Variants in KLHL8 observed in about 807,000 individuals in gnomAD.
The protein encoded by KLHL8 is kelch-like protein 8.
In KLHL8, 38 loss-of-function variants were observed where a neutral mutation model predicts 63.5. That is an observed-to-expected ratio of 0.60 (90% CI 0.46 to 0.78). The LOEUF is 0.78. Ranked by LOEUF, KLHL8 falls within the 30% of genes least tolerant of loss-of-function variation. The probability of loss-of-function intolerance (pLI) is 0.00; values close to 1 mark genes in which losing one functional copy is unlikely to be tolerated. For synonymous variants in KLHL8, 224 were observed against 254.3 expected, an observed-to-expected ratio of 0.88 and a Z score of 1.13; for missense variants, 566 against 752.4, an observed-to-expected ratio of 0.75 and a Z score of 2.90.
chr4:87,211,654 T>C (rs567534019), intron 1 of KLHL8, among the ~76,000 whole-genome samples: 11 of 152,120 alleles, frequency 7.2e-5, no homozygotes, highest in Admixed American at 1.3e-4. Context: ...TAGCCAGGCA[T>C]AGTGGCACAT....
chr4:87,164,907 G>A (rs1472574689), intron 8 of KLHL8, among the ~76,000 whole-genome samples: 2 of 152,000 alleles, frequency 1.3e-5, no homozygotes, highest in Admixed American at 6.5e-5. Flanking sequence ...CCAGCACTTT[G>A]GGAGGCCAAG....
At chr4:87,185,943 T>C in intron 2 of KLHL8, 144 bp from the exon 3 acceptor site, 1 of 670,360 alleles carries the variant, frequency 1.5e-6, no homozygotes, top group South Asian at 2.1e-5. Flanking sequence ...TCACTTACTT[T>C]CAAGTAGGCC....
At position 87,163,420 on chromosome 4, in the gene KLHL8, T is replaced by C. The variant is rs906467599; in HGVS notation, c.*99A>G. 5.9e-6 allele frequency: 7 copies of C among 1,183,612 alleles called. No homozygotes were observed. The highest frequency in any genetic ancestry group is 1.5e-5 in the South Asian group (1 of 67,794). The allele number at this position is 1,183,612 out of a possible 1,614,324, so 73.3% of individuals were successfully genotyped here. A position where few individuals can be genotyped will look rare whatever the true frequency, so the allele number is the denominator to read the frequency against. ...AACAGTTAACATTTAAATAAGACTC[T>C]AGTTGCAGTAAAAAGTGTTGAAAGG... On this transcript the variant is annotated 3_prime_UTR_variant, in exon 10 of 10. Transcript: ENST00000273963.
chr4:87,165,803 T>C (rs1730375103), intron 8 of KLHL8, among the ~76,000 whole-genome samples: 1 of 152,180 alleles, frequency 6.6e-6, no homozygotes. Flanking sequence ...AAACCAGGGA[T>C]AGAAAAAGCA....
At chr4:87,207,664 A>C (rs1232540985) in intron 1 of KLHL8, 2 of 1,157,916 alleles carry the variant, frequency 1.7e-6, no homozygotes, top group East Asian at 2.4e-5. Context: ...CCCCTCTGGG[A>C]AACTGTGGCG....
At chr4:87,177,072 T>G (rs1730849267) in intron 5 of KLHL8, among the ~76,000 whole-genome samples, 2 of 152,206 alleles carry the variant, frequency 1.3e-5, no homozygotes, top group African/African-American at 4.8e-5. Flanking sequence ...CTGTTCTACA[T>G]GAAGTTATTT....
rs148513964 is a variant in KLHL8, at chr4:87,189,049, C to A, written c.217-3250G>T. 4.1e-3 allele frequency among the ~76,000 whole-genome samples: 631 copies of A among 152,258 alleles called. 3 individuals are homozygous for A. The highest frequency in any genetic ancestry group is 0.014 in the African/African-American group (596 of 41,526). ...GGCAGTCCTGGAACAAGAATAGGTT[C>A]AAAGACACTGGTGCTGGTGCATAGT... On this transcript the variant is annotated intron_variant, in intron 2 of 9. Coordinates refer to ENST00000273963, the MANE Select transcript of KLHL8 (RefSeq NM_020803.5).
At chr4:87,194,049 T>C (rs1474760207) in intron 2 of KLHL8, among the ~76,000 whole-genome samples, 1 of 152,222 alleles carries the variant, frequency 6.6e-6, no homozygotes, top group Non-Finnish European at 1.5e-5. Flanking sequence ...TCTATTAAAT[T>C]ACATCTGTGC....
At chr4:87,235,675 G>A (rs1733213531) in intron 1 of KLHL8, among the ~76,000 whole-genome samples, 2 of 152,122 alleles carry the variant, frequency 1.3e-5, no homozygotes, top group African/African-American at 2.4e-5. Flanking sequence ...AGCTAATCAA[G>A]CATTGAAAAT....
chr4:87,239,237 G>C (rs1044347070), intron 1 of KLHL8, among the ~76,000 whole-genome samples: 3 of 152,212 alleles, frequency 2.0e-5, no homozygotes, highest in Non-Finnish European at 4.4e-5. Context: ...TTCTTTAAAA[G>C]CCTGGAAGAT....
chr4:87,175,433 C>A (rs991367214), intron 6 of KLHL8, among the ~76,000 whole-genome samples: 1 of 152,074 alleles, frequency 6.6e-6, no homozygotes, highest in African/African-American at 2.4e-5. Context: ...ATGAAACAAT[C>A]AAAAACCTGA....
chr4:87,185,412 A>G lies in KLHL8; in HGVS notation c.604T>C (p.Cys202Arg), dbSNP rs747827288. The change falls in exon 3 of 10, where the codon TGT (cysteine) becomes CGT (arginine). Residue 202 changes from cysteine (C) to arginine (R), a missense_variant. Physicochemically the swap from Cys to Arg is radical, Grantham distance 180. Transcript: ENST00000273963. ...ACDHFTEVVE[C>R]EDFVSVSPQH... is the part of the protein sequence containing the mutation. ...GGTGATACACTTACAAAGTCTTCAC[A>G]CTCCACTACTTCAGTAAAATGGTCA... 1.2e-6 allele frequency: 2 copies of G among 1,614,010 alleles called. No homozygotes were observed. Among genetic ancestry groups the G allele is most frequent in the South Asian group, 2.2e-5 (2 of 91,084 alleles).
intron 1 of KLHL8, among the ~76,000 whole-genome samples, chr4:87,198,027 AC>A (rs1731768146): frequency 6.7e-6 from 1 of 148,206 alleles, no homozygotes; most frequent in Non-Finnish European, 1.5e-5. Context: ...AAAAAAAAAA[AC>A]CACTTAGTGG....
chr4:87,233,548 G>A (rs2110071913), intron 1 of KLHL8, among the ~76,000 whole-genome samples: 1 of 152,110 alleles, frequency 6.6e-6, no homozygotes, highest in Non-Finnish European at 1.5e-5. Context: ...CTCCAACCTG[G>A]GCAACAGAGT....
chr4:87,204,918 T>G (rs1445582507), intron 1 of KLHL8, among the ~76,000 whole-genome samples: 1 of 152,068 alleles, frequency 6.6e-6, no homozygotes, highest in Non-Finnish European at 1.5e-5. Flanking sequence ...TGGGTGATGA[T>G]TAGATAAATC....
chr4:87,194,993 A>G (rs1578383247), intron 2 of KLHL8, among the ~76,000 whole-genome samples: 1 of 152,250 alleles, frequency 6.6e-6, no homozygotes, highest in East Asian at 1.9e-4. Flanking sequence ...AGATATTTAA[A>G]TTCACAAGTG....
intron 1 of KLHL8, among the ~76,000 whole-genome samples, chr4:87,235,316 G>T (rs892575598): frequency 3.9e-5 from 6 of 151,920 alleles, no homozygotes; most frequent in African/African-American, 1.5e-4. Context: ...CTACGTTTAG[G>T]TACACAAATA....
intron 1 of KLHL8, among the ~76,000 whole-genome samples, chr4:87,200,629 A>G (rs1731885245): frequency 6.6e-6 from 1 of 152,156 alleles, no homozygotes; most frequent in Admixed American, 6.5e-5. Context: ...TGGGATGGGG[A>G]AAGAAAGAAG....
chr4:87,212,330 A>G (rs979217872), intron 1 of KLHL8, among the ~76,000 whole-genome samples: 8 of 152,246 alleles, frequency 5.3e-5, no homozygotes, highest in Non-Finnish European at 8.8e-5. Context: ...GCTAAAAACA[A>G]CCAGTTACCA....
Sources: allele counts gnomAD v4.1 joint callset (sites outside exome capture counted in the v4.1 genomes callset), GRCh38; gene constraint gnomAD v4.1.1; transcripts MANE v1.5; gene names NCBI Gene and HGNC (gene_info 2026-07-23, HGNC 2026-07-21).